The following AP1M1 variants were observed in gnomAD, a reference collection of about 807,000 sequenced individuals.
The protein encoded by AP1M1 is adaptor related protein complex 1 subunit mu 1, also known as AP-1 complex subunit mu-1.
A neutral mutation model predicts 57.1 loss-of-function variants in AP1M1; 18 were observed. The ratio of observed to expected loss-of-function variants is 0.32; its 90% CI spans 0.22 to 0.47. AP1M1 has a LOEUF of 0.47. Among genes scored for constraint, AP1M1 ranks in the 20% least tolerant of loss-of-function variants. The probability of loss-of-function intolerance (pLI) is 1.00; values close to 1 mark genes in which losing one functional copy is unlikely to be tolerated. For missense variants in AP1M1, 362 were observed against 593.5 expected (o/e 0.61, Z 4.05); for synonymous variants, 241 against 237.9 (o/e 1.01, Z -0.12).
In AP1M1 at chr19:16,203,715, C is replaced by T; in HGVS notation, c.199+100C>T. ...AAGCAGGGCTGGTTTGTGCACAGCG[C>T]AAGCATTGGACACAGCCATGCCCTC... On this transcript the variant is annotated intron_variant, in intron 2 of 11. Coordinates refer to ENST00000291439, the MANE Select transcript of AP1M1 (RefSeq NM_032493.4). This position sits in a 1 kb window ranked among gnomAD's most constrained non-coding sequence, Gnocchi z 4.6. The T allele has an allele frequency of 8.3e-6, 11 of 1,326,020 alleles. 1 individual carries two copies. In the South Asian group the frequency reaches 1.5e-4, roughly 19 times the overall value. The allele number at this position is 1,326,020 out of a possible 1,614,324, so 82.1% of individuals were successfully genotyped here. A position where few individuals can be genotyped will look rare whatever the true frequency, so the allele number is the denominator to read the frequency against.
chr19:16,242,735 G>C lies in AP1M1; in HGVS notation c.*8300G>C, dbSNP rs2091649774. On this transcript the variant is annotated 3_prime_UTR_variant, in exon 12 of 12. Coordinates refer to ENST00000291439, the MANE Select transcript of AP1M1 (RefSeq NM_032493.4). ...GGTTATATTAATTCCAGACAGAATA[G>C]ATGTATTTATTTATTTATTCATTCA... 1 of 152,158 alleles carries C rather than the reference G, an allele frequency of 6.6e-6. No individual in the cohort carries two copies. Among genetic ancestry groups the C allele is most frequent in the South Asian group, 2.1e-4 (1 of 4,826 alleles). The allele number at this position is 152,158 out of a possible 1,614,324, so 9.4% of individuals were successfully genotyped here. A position where few individuals can be genotyped will look rare whatever the true frequency, so the allele number is the denominator to read the frequency against.
chr19:16,204,240 G>A (rs536707949), intron 2 of AP1M1, among the ~76,000 whole-genome samples: 14 of 152,086 alleles, frequency 9.2e-5, no homozygotes, highest in Admixed American at 6.5e-4. Context: ...GTACAGCCCC[G>A]CCCAGATCTC....
chr19:16,221,701 A>G (rs912945354), intron 5 of AP1M1, among the ~76,000 whole-genome samples: 1 of 152,270 alleles, frequency 6.6e-6, no homozygotes, highest in Admixed American at 6.5e-5. Context: ...GTACAAGGAC[A>G]TAGAATGTAC....
At chr19:16,198,551 C>T (rs2091434176) in intron 1 of AP1M1, among the ~76,000 whole-genome samples, 1 of 152,146 alleles carries the variant, frequency 6.6e-6, no homozygotes, top group Non-Finnish European at 1.5e-5. Flanking sequence ...AATTTCTCCA[C>T]GTTCATTGTG....
chr19:16,203,683 C>T lies in AP1M1; in HGVS notation c.199+68C>T. The T allele has an allele frequency of 3.3e-6, 5 of 1,502,058 alleles. No individual in the cohort carries two copies. The highest frequency in any genetic ancestry group is 4.5e-6 in the Non-Finnish European group (5 of 1,108,834). The allele number at this position is 1,502,058 out of a possible 1,614,324, so 93.0% of individuals were successfully genotyped here. A position where few individuals can be genotyped will look rare whatever the true frequency, so the allele number is the denominator to read the frequency against. ...GTGTTGGTGTGTGTGCATATCCACA[C>T]GCCTGCAAGCAGGGCTGGTTTGTGC... is the stretch of plus-strand genomic sequence containing the variant. On this transcript the variant is annotated intron_variant, in intron 2 of 11. Coordinates refer to ENST00000291439, the MANE Select transcript of AP1M1 (RefSeq NM_032493.4). This position sits in a 1 kb window ranked among gnomAD's most constrained non-coding sequence, Gnocchi z 4.6.
intron 5 of AP1M1, among the ~76,000 whole-genome samples, chr19:16,225,200 G>A (rs1318756880): frequency 6.6e-6 from 1 of 152,220 alleles, no homozygotes; most frequent in African/African-American, 2.4e-5. Flanking sequence ...AGGGGCTTTT[G>A]TTTGTCTACC....
Position 16,197,976 on chromosome 19 carries a change from C to CGCTGCCGCCGCCACCGCCCTCGGCT in AP1M1, c.-27_-26insTGCTGCCGCCGCCACCGCCCTCGGC. 1.4e-6 allele frequency: 2 copies of CGCTGCCGCCGCCACCGCCCTCGGCT among 1,463,666 alleles called. No homozygotes were observed. Among genetic ancestry groups the CGCTGCCGCCGCCACCGCCCTCGGCT allele is most frequent in the Non-Finnish European group, 1.8e-6 (2 of 1,115,944 alleles). 90.7% of individuals were successfully genotyped at this position (1,463,666 alleles called of 1,614,324 possible). On this transcript the variant is annotated 5_prime_UTR_variant, in exon 1 of 12. Transcript: ENST00000291439. The stretch of plus-strand genomic sequence containing the variant: ...CTCAACGCCCAGCAGTCCCCACCGT[C>CGCTGCCGCCGCCACCGCCCTCGGCT]GCTGCCGCCGCCACCGCCCTCGGCC...
chr19:16,234,091 C>G (rs1408104793), intron 10 of AP1M1, 108 bp from the exon 11 acceptor site: 3 of 1,089,584 alleles, frequency 2.8e-6, no homozygotes, highest in African/African-American at 3.1e-5. Context: ...CTCATCCTGT[C>G]GTCATGGCCT....
Position 16,203,510 on chromosome 19 carries a change from C to T in AP1M1, c.94C>T (p.His32Tyr), listed in dbSNP as rs2091457442. The stretch of plus-strand genomic sequence containing the variant: ...CGACGTGGACATGTCAGAGGTGGAG[C>T]ACTTCATGCCCATCCTGATGGAGAA... Reference protein sequence around the residue: ...RGDVDMSEVEHFMPILMEKEE... With the variant: ...RGDVDMSEVEYFMPILMEKEE... Residue 32 changes from histidine to tyrosine, a missense_variant, in exon 2 of 12, where the codon CAC becomes TAC. Around this residue, in one of 2 missense-constraint regions of AP1M1, gnomAD observed 337 missense variants for 511.1 expected, o/e 0.66. Coordinates refer to ENST00000291439, the MANE Select transcript of AP1M1 (RefSeq NM_032493.4). The surrounding 1 kb of genome is among the most constrained non-coding windows in gnomAD (Gnocchi z 4.6). 3 of 1,614,080 alleles carry T rather than the reference C, an allele frequency of 1.9e-6. No individual in the cohort carries two copies. The highest frequency in any genetic ancestry group is 1.3e-5 in the African/African-American group (1 of 74,920).
At position 16,203,517 on chromosome 19, in the gene AP1M1, T is replaced by C; in HGVS notation, c.101T>C (p.Met34Thr). Reference protein sequence around the residue: ...DVDMSEVEHFMPILMEKEEEG... With the variant: ...DVDMSEVEHFTPILMEKEEEG... ...GACATGTCAGAGGTGGAGCACTTCA[T>C]GCCCATCCTGATGGAGAAGGAGGAG... The change falls in exon 2 of 12, where the codon ATG (methionine) becomes ACG (threonine). Residue 34 changes from methionine to threonine, a missense_variant. Transcript: ENST00000291439. The surrounding 1 kb of genome is among the most constrained non-coding windows in gnomAD (Gnocchi z 4.6). 1.2e-6 allele frequency: 2 copies of C among 1,614,224 alleles called. No individual in the cohort carries two copies. The highest frequency in any genetic ancestry group is 1.1e-5 in the South Asian group (1 of 91,086).
intron 2 of AP1M1, among the ~76,000 whole-genome samples, chr19:16,204,931 C>T (rs945212764): frequency 7.5e-6 from 1 of 133,276 alleles, no homozygotes; most frequent in Non-Finnish European, 1.8e-5. Flanking sequence ...CCCGGGTTCG[C>T]GCTATTCTCC....
At position 16,209,325 on chromosome 19, in the gene AP1M1, G is replaced by A. The variant is rs1378954380; in HGVS notation, c.546+148G>A. Reference sequence around the variant, plus strand: ...CAGTTTGGGCCACTCATTGAAATGTGAGTTTGTCTTATCTTTTTTTTTTGA... The same window carrying A: ...CAGTTTGGGCCACTCATTGAAATGTAAGTTTGTCTTATCTTTTTTTTTTGA... On this transcript the variant is annotated intron_variant, in intron 5 of 11. Transcript: ENST00000291439. 6.0e-5 allele frequency: 52 copies of A among 868,626 alleles called. 1 individual carries two copies. In the South Asian group the frequency reaches 9.1e-4, roughly 15 times the overall value. 53.8% of individuals were successfully genotyped at this position (868,626 alleles called of 1,614,324 possible).
At position 16,227,961 on chromosome 19, in the gene AP1M1, C is replaced by T. The variant is rs946035986; in HGVS notation, c.817-176C>T. ...GCCCCAAGGCCTCCCCGGTAGCTCCCGGCTACCTCGGCCTGTCTGCCCTGG... is the reference window on the plus strand; with the variant it reads ...GCCCCAAGGCCTCCCCGGTAGCTCCTGGCTACCTCGGCCTGTCTGCCCTGG... On this transcript the variant is annotated intron_variant, in intron 7 of 11. Transcript: ENST00000291439. This position sits in a 1 kb window ranked among gnomAD's most constrained non-coding sequence, Gnocchi z 6.2. Among the ~76,000 whole-genome samples the T allele has an allele frequency of 7.2e-5, 11 of 152,224 alleles. No individual in the cohort carries two copies. Among genetic ancestry groups the T allele is most frequent in the African/African-American group, 1.7e-4 (7 of 41,454 alleles).
chr19:16,212,344 C>T (rs900990568), intron 5 of AP1M1, among the ~76,000 whole-genome samples: 13 of 152,154 alleles, frequency 8.5e-5, no homozygotes, highest in South Asian at 2.1e-4. Flanking sequence ...TATATGTGTC[C>T]GGGAGATTAT....
chr19:16,208,219 GA>G (rs1712002641), intron 4 of AP1M1, 70 bp downstream of exon 4: 8 of 1,497,554 alleles, frequency 5.3e-6, no homozygotes, highest in Non-Finnish European at 3.6e-6. Flanking sequence ...ATCAGGTGTG[GA>G]AACAGAAGGG....
In AP1M1 at chr19:16,203,735, G is replaced by A; in HGVS notation, c.199+120G>A. 2 of 1,103,156 alleles carry A rather than the reference G, an allele frequency of 1.8e-6. No individual in the cohort carries two copies. Among genetic ancestry groups the A allele is most frequent in the South Asian group, 3.1e-5 (2 of 64,402 alleles). The allele number at this position is 1,103,156 out of a possible 1,614,324, so 68.3% of individuals were successfully genotyped here. A position where few individuals can be genotyped will look rare whatever the true frequency, so the allele number is the denominator to read the frequency against. The stretch of plus-strand genomic sequence containing the variant: ...CAGCGCAAGCATTGGACACAGCCAT[G>A]CCCTCCTGGAGCTCCCTGCTGCCTG... On this transcript the variant is annotated intron_variant, in intron 2 of 11. Coordinates refer to ENST00000291439, the MANE Select transcript of AP1M1 (RefSeq NM_032493.4). This position sits in a 1 kb window ranked among gnomAD's most constrained non-coding sequence, Gnocchi z 4.6.
chr19:16,227,502 T>A lies in AP1M1; in HGVS notation c.674-46T>A, dbSNP rs1218368457. 2 of 1,592,326 alleles carry A rather than the reference T, an allele frequency of 1.3e-6. No homozygotes were observed. The highest frequency in any genetic ancestry group is 2.7e-5 in the African/African-American group (2 of 74,630). ...GGTGGTAGGAGTACTGCTGAGATAGTGACCCGGAGGGCCCAGATCTGTCCT... is the reference window on the plus strand; with the variant it reads ...GGTGGTAGGAGTACTGCTGAGATAGAGACCCGGAGGGCCCAGATCTGTCCT... On this transcript the variant is annotated intron_variant, in intron 6 of 11. Coordinates refer to ENST00000291439, the MANE Select transcript of AP1M1 (RefSeq NM_032493.4). This position sits in a 1 kb window ranked among gnomAD's most constrained non-coding sequence, Gnocchi z 6.2.
Position 16,203,633 on chromosome 19 carries a change from G to A in AP1M1, c.199+18G>A, listed in dbSNP as rs756989673. On this transcript the variant is annotated intron_variant, in intron 2 of 11. Coordinates refer to ENST00000291439, the MANE Select transcript of AP1M1 (RefSeq NM_032493.4). This position sits in a 1 kb window ranked among gnomAD's most constrained non-coding sequence, Gnocchi z 4.6. ...CCTGTATCGTATCCCTTTGCTGGGG[G>A]TGCTCCCAGGGGACTCCTGTGTGGG... is the stretch of plus-strand genomic sequence containing the variant. 1.0e-5 allele frequency: 16 copies of A among 1,588,782 alleles called. No homozygotes were observed. Among genetic ancestry groups the A allele is most frequent in the Non-Finnish European group, 1.4e-5 (16 of 1,165,514 alleles).
At position 16,197,930 on chromosome 19, in the gene AP1M1, C is replaced by T; in HGVS notation, c.-97C>T. On this transcript the variant is annotated 5_prime_UTR_variant, in exon 1 of 12. Coordinates refer to ENST00000291439, the MANE Select transcript of AP1M1 (RefSeq NM_032493.4). ...CGAACCGGAAGTGGAGGTGAGCTGT[C>T]GCGGGCGGCGCCCGGCCTTGCTCAA... The T allele has an allele frequency of 7.7e-6, 8 of 1,034,718 alleles. No individual in the cohort carries two copies. The highest frequency in any genetic ancestry group is 1.0e-5 in the Non-Finnish European group (8 of 763,564). 64.1% of individuals were successfully genotyped at this position (1,034,718 alleles called of 1,614,324 possible).
Sources: allele counts gnomAD v4.1 joint callset (sites outside exome capture counted in the v4.1 genomes callset), GRCh38; gene constraint gnomAD v4.1.1; regional missense constraint gnomAD v4.1.1; non-coding constraint Gnocchi (gnomAD v3.1); transcripts MANE v1.5; gene names NCBI Gene and HGNC (gene_info 2026-07-23, HGNC 2026-07-21).